Variants in AFG2A observed in about 807,000 individuals in gnomAD.
AFG2A encodes AAA ATPase AFG2A, also known as ATPase family gene 2 protein homolog A.
At chr4:123,225,172 G>A in the AFG2A span, among the ~76,000 whole-genome samples, 4 of 152,012 alleles carry the variant, frequency 2.6e-5, no homozygotes, top group African/African-American at 9.7e-5. Flanking sequence ...GCCTGTTCAC[G>A]CTGATGGTAG....
At chr4:123,302,736 C>T in the AFG2A span, among the ~76,000 whole-genome samples, 1 of 152,110 alleles carries the variant, frequency 6.6e-6, no homozygotes, top group Admixed American at 6.6e-5. Context: ...ATCTCTATAT[C>T]TTGACATTTG....
chr4:123,194,592 A>ACT, the AFG2A span, among the ~76,000 whole-genome samples: 1 of 151,650 alleles, frequency 6.6e-6, no homozygotes. Flanking sequence ...ATGAAATGAT[A>ACT]TGAAGTTATA....
chr4:123,004,690 T>G, the AFG2A span, among the ~76,000 whole-genome samples: 16 of 152,340 alleles, frequency 1.1e-4, 2 homozygotes, highest in South Asian at 3.3e-3. Flanking sequence ...GTAGTTTTCT[T>G]AGAATGTTTT....
the AFG2A span, among the ~76,000 whole-genome samples, chr4:122,972,609 G>T: frequency 2.0e-5 from 3 of 150,202 alleles, no homozygotes; most frequent in Middle Eastern, 3.2e-3. Context: ...GCATCCTACA[G>T]ATTTTCATAT....
chr4:122,986,198 G>A, the AFG2A span, among the ~76,000 whole-genome samples: 1 of 151,928 alleles, frequency 6.6e-6, no homozygotes, highest in African/African-American at 2.4e-5. Flanking sequence ...CCTATCACGT[G>A]GTCTGTTTTG....
chr4:123,255,049 C>T, the AFG2A span, among the ~76,000 whole-genome samples: 4 of 152,096 alleles, frequency 2.6e-5, no homozygotes, highest in East Asian at 3.9e-4. Context: ...CTGCAACCTC[C>T]GCCTCCTGGG....
the AFG2A span, among the ~76,000 whole-genome samples, chr4:123,031,392 A>G: frequency 2.6e-5 from 4 of 152,132 alleles, no homozygotes; most frequent in East Asian, 3.9e-4. Flanking sequence ...AGCTCAGGCA[A>G]TTTGCCCGCC....
the AFG2A span, among the ~76,000 whole-genome samples, chr4:123,124,189 G>A: frequency 2.0e-4 from 30 of 152,102 alleles, no homozygotes; most frequent in South Asian, 1.7e-3. Context: ...ACATGCACAC[G>A]TATGTTTATT....
chr4:123,130,951 A>G, the AFG2A span, among the ~76,000 whole-genome samples: 4 of 151,870 alleles, frequency 2.6e-5, no homozygotes, highest in Non-Finnish European at 5.9e-5. Context: ...TTTAGTTTTA[A>G]TCATTCTGTT....
At chr4:123,224,997 C>T in the AFG2A span, among the ~76,000 whole-genome samples, 1 of 152,232 alleles carries the variant, frequency 6.6e-6, no homozygotes, top group Non-Finnish European at 1.5e-5. Context: ...CTTTTGGCTG[C>T]ATAAATGTCT....
chr4:123,033,376 C>T, the AFG2A span, among the ~76,000 whole-genome samples: 1 of 151,880 alleles, frequency 6.6e-6, no homozygotes, highest in African/African-American at 2.4e-5. Context: ...GAACTAGTGT[C>T]CAATGGCTTT....
chr4:123,163,381 G>A, the AFG2A span, among the ~76,000 whole-genome samples: 1 of 152,290 alleles, frequency 6.6e-6, no homozygotes, highest in East Asian at 1.9e-4. Context: ...GGCAGAGGTT[G>A]CAGTGAGCTG....
chr4:123,177,624 T>C, the AFG2A span, among the ~76,000 whole-genome samples: 1 of 152,250 alleles, frequency 6.6e-6, no homozygotes, highest in African/African-American at 2.4e-5. Context: ...TCTTCCTTAA[T>C]AAGTATTTAG....
At chr4:123,076,995 G>A in the AFG2A span, among the ~76,000 whole-genome samples, 6 of 150,700 alleles carry the variant, frequency 4.0e-5, no homozygotes, top group South Asian at 2.1e-4. Context: ...GGGGCGGGGG[G>A]GTTGTGTGGT....
At chr4:123,294,231 G>T in the AFG2A span, among the ~76,000 whole-genome samples, 4 of 152,154 alleles carry the variant, frequency 2.6e-5, no homozygotes, top group African/African-American at 9.7e-5. Context: ...GCAGGGGAGC[G>T]ACATAAACTC....
the AFG2A span, among the ~76,000 whole-genome samples, chr4:123,230,596 A>G: frequency 6.6e-6 from 1 of 151,888 alleles, no homozygotes; most frequent in Non-Finnish European, 1.5e-5. Context: ...CCTCCCCTGA[A>G]TCATGAATTG....
At chr4:123,240,997 A>G in the AFG2A span, among the ~76,000 whole-genome samples, 3 of 152,242 alleles carry the variant, frequency 2.0e-5, no homozygotes, top group African/African-American at 4.8e-5. Flanking sequence ...AGAGAATACT[A>G]TAAACACCTT....
chr4:123,067,490 C>T, the AFG2A span, among the ~76,000 whole-genome samples: 2 of 151,822 alleles, frequency 1.3e-5, no homozygotes, highest in Non-Finnish European at 2.9e-5. Context: ...GTACTCCAGC[C>T]TGGGCAACGG....
At chr4:123,186,788 G>C in the AFG2A span, among the ~76,000 whole-genome samples, 1 of 152,034 alleles carries the variant, frequency 6.6e-6, no homozygotes, top group Non-Finnish European at 1.5e-5. Context: ...CGGGTGGGGA[G>C]GGTTGTTTCT....
Sources: gnomAD v4.1 joint callset for allele counts (sites outside exome capture counted in the v4.1 genomes callset) on GRCh38, gnomAD v4.1.1 for gene constraint, MANE v1.5 for transcripts, NCBI Gene and HGNC (gene_info 2026-07-23, HGNC 2026-07-21) for gene names.